The following RAPGEF2 variants were observed in gnomAD, a reference collection of about 807,000 sequenced individuals.
RAPGEF2 encodes the protein Rap guanine nucleotide exchange factor 2.
A neutral mutation model predicts 186.7 loss-of-function variants in RAPGEF2; 54 were observed. The ratio of observed to expected loss-of-function variants is 0.29; its 90% CI spans 0.23 to 0.36. RAPGEF2 has a LOEUF of 0.36. RAPGEF2 is among the 10% of genes least tolerant of loss of function. RAPGEF2 has a pLI of 1.00. For missense variants in RAPGEF2, 1,532 were observed against 2,045.0 expected, an observed-to-expected ratio of 0.75 and a Z score of 4.84; for synonymous variants, 712 against 705.9, an observed-to-expected ratio of 1.01 and a Z score of -0.14.
intron 7 of RAPGEF2, among the ~76,000 whole-genome samples, chr4:159,260,920 T>C (rs557770710): frequency 2.0e-5 from 3 of 152,238 alleles, no homozygotes; most frequent in Non-Finnish European, 4.4e-5. Context: ...GGCTAATTTT[T>C]TGTATTTTTA....
intron 7 of RAPGEF2, among the ~76,000 whole-genome samples, chr4:159,259,170 C>T (rs1756522950): frequency 6.6e-6 from 1 of 152,158 alleles, no homozygotes; most frequent in African/African-American, 2.4e-5. Flanking sequence ...CTTTCCCATT[C>T]CCAATCTATG....
At chr4:159,305,858 G>A (rs779209402) in intron 8 of RAPGEF2, among the ~76,000 whole-genome samples, 34 of 152,036 alleles carry the variant, frequency 2.2e-4, no homozygotes, top group African/African-American at 7.7e-4. Flanking sequence ...GAAAGATAGG[G>A]GTCCAGTTTC....
intron 2 of RAPGEF2, among the ~76,000 whole-genome samples, chr4:159,190,787 G>A (rs1458091583): frequency 6.6e-6 from 1 of 152,170 alleles, no homozygotes; most frequent in Admixed American, 6.5e-5. Flanking sequence ...CAGGACTGGG[G>A]GAACCAGCCC....
intron 7 of RAPGEF2, among the ~76,000 whole-genome samples, chr4:159,278,291 C>T (rs914696073): frequency 2.0e-5 from 3 of 152,012 alleles, no homozygotes; most frequent in African/African-American, 7.2e-5. Context: ...ACATCAGAGT[C>T]ATCTGGAAGT....
intron 9 of RAPGEF2, among the ~76,000 whole-genome samples, chr4:159,316,875 C>T (rs1409310652): frequency 6.6e-6 from 1 of 152,130 alleles, no homozygotes; most frequent in Non-Finnish European, 1.5e-5. Flanking sequence ...TTTGAGTATG[C>T]CTCCCAGACT....
At chr4:159,213,373 A>C (rs1178916873) in intron 4 of RAPGEF2, among the ~76,000 whole-genome samples, 1 of 152,228 alleles carries the variant, frequency 6.6e-6, no homozygotes, top group Non-Finnish European at 1.5e-5. Context: ...TCTTCACCCC[A>C]AGTTTTTATC....
chr4:159,157,780 A>AT (rs1491427046), intron 1 of RAPGEF2, among the ~76,000 whole-genome samples: 1 of 152,182 alleles, frequency 6.6e-6, no homozygotes, highest in Non-Finnish European at 1.5e-5. Flanking sequence ...CACTCCCAAC[A>AT]TATCTCTGCT....
At chr4:159,222,819 T>C (rs1397415515) in intron 4 of RAPGEF2, among the ~76,000 whole-genome samples, 1 of 152,078 alleles carries the variant, frequency 6.6e-6, no homozygotes, top group African/African-American at 2.4e-5. Flanking sequence ...AGGATTGATA[T>C]GTGAAGGAAA....
intron 8 of RAPGEF2, among the ~76,000 whole-genome samples, chr4:159,312,129 A>C (rs1764018218): frequency 6.6e-6 from 1 of 152,152 alleles, no homozygotes; most frequent in East Asian, 1.9e-4. Flanking sequence ...GGATGGTATA[A>C]AATATATTCC....
At chr4:159,320,593 A>G (rs1459638292) in intron 9 of RAPGEF2, among the ~76,000 whole-genome samples, 2 of 152,158 alleles carry the variant, frequency 1.3e-5, no homozygotes. Flanking sequence ...CCTTATTGCC[A>G]GAGCCCCCCT....
In RAPGEF2 at chr4:159,270,489, C is replaced by G. The variant is rs115529451; in HGVS notation, c.543+26698C>G. Among the ~76,000 whole-genome samples the G allele has an allele frequency of 4.0e-3, 604 of 152,172 alleles. 4 individuals carry two copies. Among genetic ancestry groups the G allele is most frequent in the African/African-American group, 0.014 (573 of 41,516 alleles). ...TGTGGGCTTTTAAGTGGCTTTGCTT[C>G]TTTGACTGCAGCAGGTAGTGCAGTA... On this transcript the variant is annotated intron_variant, in intron 7 of 29. Coordinates refer to ENST00000691494, the MANE Select transcript of RAPGEF2 (RefSeq NM_001394067.2).
intron 1 of RAPGEF2, among the ~76,000 whole-genome samples, chr4:159,134,982 G>A (rs1741565217): frequency 6.6e-6 from 1 of 152,128 alleles, no homozygotes; most frequent in East Asian, 1.9e-4. Context: ...CTTTCATTTA[G>A]CATAATGTTT....
intron 3 of RAPGEF2, among the ~76,000 whole-genome samples, chr4:159,205,179 T>C (rs962716092): frequency 1.3e-5 from 2 of 152,170 alleles, no homozygotes. Context: ...GCCAGCCCCA[T>C]GTGTAAGAAA....
In RAPGEF2 at chr4:159,201,486, C is replaced by T. The variant is rs374371353; in HGVS notation, c.197+8230C>T. 9.9e-5 allele frequency among the ~76,000 whole-genome samples: 15 copies of T among 152,258 alleles called. No individual in the cohort carries two copies. The South Asian group carries it at 3.1e-3, about 32-fold the overall frequency. ...GAAAACCTCTGATCTCAACTGTCTG[C>T]GGGACGCCTATAAAAGGATAGAGGA... On this transcript the variant is annotated intron_variant, in intron 3 of 29. Coordinates refer to ENST00000691494, the MANE Select transcript of RAPGEF2 (RefSeq NM_001394067.2).
chr4:159,248,366 A>G (rs563465652), intron 7 of RAPGEF2, among the ~76,000 whole-genome samples: 14 of 152,320 alleles, frequency 9.2e-5, no homozygotes, highest in African/African-American at 3.4e-4. Flanking sequence ...ACTAAAATTT[A>G]TTGTTTGGAT....
intron 17 of RAPGEF2, among the ~76,000 whole-genome samples, chr4:159,333,239 A>G (rs1339104587): frequency 6.6e-6 from 1 of 152,076 alleles, no homozygotes; most frequent in African/African-American, 2.4e-5. Flanking sequence ...CGGCCTCCCA[A>G]AGTGCTGGGA....
intron 1 of RAPGEF2, among the ~76,000 whole-genome samples, chr4:159,144,195 T>A (rs1390803981): frequency 6.6e-6 from 1 of 150,658 alleles, no homozygotes; most frequent in African/African-American, 2.5e-5. Context: ...CAGTTTTGTG[T>A]TATTAAAGTT....
intron 1 of RAPGEF2, among the ~76,000 whole-genome samples, chr4:159,181,582 T>C (rs1360578947): frequency 6.7e-6 from 1 of 149,586 alleles, no homozygotes; most frequent in Non-Finnish European, 1.5e-5. Context: ...AGTCTTTTTT[T>C]TTTTTTTTTT....
chr4:159,135,292 C>T (rs1197369828), intron 1 of RAPGEF2, among the ~76,000 whole-genome samples: 1 of 152,150 alleles, frequency 6.6e-6, no homozygotes, highest in African/African-American at 2.4e-5. Context: ...GCAGTCCGCC[C>T]ACCTCAGCCT....
Sources: allele counts gnomAD v4.1 joint callset (sites outside exome capture counted in the v4.1 genomes callset), GRCh38; gene constraint gnomAD v4.1.1; transcripts MANE v1.5; gene names NCBI Gene and HGNC (gene_info 2026-07-23, HGNC 2026-07-21).